TMC1: variants seen among roughly 807,000 people sequenced by gnomAD.
TMC1 encodes the protein transmembrane channel like 1.
In TMC1, 84 loss-of-function variants were observed where a neutral mutation model predicts 105.8. The ratio of observed to expected loss-of-function variants is 0.79; its 90% confidence interval spans 0.67 to 0.95. TMC1 has a LOEUF of 0.95. Ranked by LOEUF, TMC1 falls within the 40% of genes least tolerant of loss-of-function variation. The probability of loss-of-function intolerance (pLI) is 0.00; values close to 1 mark genes in which losing one functional copy is unlikely to be tolerated. For missense variants in TMC1, 817 were observed against 914.1 expected, an observed-to-expected ratio of 0.89 and a Z score of 1.37; for synonymous variants, 315 against 311.5, an observed-to-expected ratio of 1.01 and a Z score of -0.12.
chr9:72,592,021 G>A lies in TMC1; in HGVS notation c.-306+13998G>A, dbSNP rs973701950. Among the ~76,000 whole-genome samples, 5 of 152,114 alleles carry A rather than the reference G, an allele frequency of 3.3e-5. No individual in the cohort carries two copies. In the South Asian group the frequency reaches 1.0e-3, roughly 32 times the overall value. On this transcript the variant is annotated intron_variant, in intron 2 of 23. Coordinates refer to ENST00000297784, the MANE Select transcript of TMC1 (RefSeq NM_138691.3). ...TAGTGGGTAGTGGTCAGGGATGCTG[G>A]TGAATATCATACAATACACAGAACA... is the stretch of plus-strand genomic sequence containing the variant.
chr9:72,664,482 C>A (rs1826012619), intron 5 of TMC1, among the ~76,000 whole-genome samples: 1 of 152,296 alleles, frequency 6.6e-6, no homozygotes, highest in South Asian at 2.1e-4. Context: ...GCCTGCCATG[C>A]CCCTCTGTCC....
intron 5 of TMC1, among the ~76,000 whole-genome samples, chr9:72,650,963 C>T (rs1211963630): frequency 3.6e-5 from 4 of 112,380 alleles, no homozygotes; most frequent in Non-Finnish European, 7.1e-5. Flanking sequence ...ATATATATCA[C>T]ATATACAAGG....
At chr9:72,732,783 AT>A (rs1286444173) in intron 8 of TMC1, among the ~76,000 whole-genome samples, 1 of 152,132 alleles carries the variant, frequency 6.6e-6, no homozygotes, top group African/African-American at 2.4e-5. Context: ...TTGGATACTT[AT>A]TTTACTTAGC....
At chr9:72,572,184 T>C (rs1824298723) in intron 1 of TMC1, among the ~76,000 whole-genome samples, 1 of 151,828 alleles carries the variant, frequency 6.6e-6, no homozygotes, top group Admixed American at 6.6e-5. Context: ...TGTCTCTTTA[T>C]CTCACTTTAT....
chr9:72,596,704 C>T (rs1824728096), intron 2 of TMC1, among the ~76,000 whole-genome samples: 1 of 152,126 alleles, frequency 6.6e-6, no homozygotes, highest in African/African-American at 2.4e-5. Context: ...ACCAAGAGTA[C>T]CATGTATGTA....
chr9:72,714,045 C>G lies in TMC1; in HGVS notation c.362+13402C>G, dbSNP rs1398452441. Among the ~76,000 whole-genome samples, 3 of 152,122 alleles carry G rather than the reference C, an allele frequency of 2.0e-5. No homozygotes were observed. The East Asian group carries it at 5.8e-4, about 29-fold the overall frequency. On this transcript the variant is annotated intron_variant, in intron 8 of 23. Coordinates refer to ENST00000297784, the MANE Select transcript of TMC1 (RefSeq NM_138691.3). ...TATTTACCCAGTAGTCATTTAGGAACAGGTTGTTCAGTTTCGATGTAGTTG... is the reference window on the plus strand; with the variant it reads ...TATTTACCCAGTAGTCATTTAGGAAGAGGTTGTTCAGTTTCGATGTAGTTG...
chr9:72,620,549 C>A (rs1467051564), intron 3 of TMC1, among the ~76,000 whole-genome samples: 1 of 152,106 alleles, frequency 6.6e-6, no homozygotes, highest in Non-Finnish European at 1.5e-5. Context: ...CCATACCTAG[C>A]CAGATTTCTA....
At chr9:72,724,645 G>T (rs1018459240) in intron 8 of TMC1, among the ~76,000 whole-genome samples, 2 of 151,844 alleles carry the variant, frequency 1.3e-5, no homozygotes, top group African/African-American at 4.8e-5. Flanking sequence ...ATAAATCATG[G>T]TTACTATTAT....
chr9:72,566,776 C>G (rs1824163298), intron 1 of TMC1, among the ~76,000 whole-genome samples: 1 of 152,178 alleles, frequency 6.6e-6, no homozygotes. Flanking sequence ...ATTCTATCCA[C>G]TTGTCTCTAG....
At chr9:72,665,001 C>T (rs976925628) in intron 5 of TMC1, among the ~76,000 whole-genome samples, 4 of 152,184 alleles carry the variant, frequency 2.6e-5, no homozygotes, top group African/African-American at 7.2e-5. Context: ...TGTCTACATG[C>T]TCCCTCTCCT....
chr9:72,536,624 G>A (rs369485200), intron 1 of TMC1, among the ~76,000 whole-genome samples: 67 of 152,228 alleles, frequency 4.4e-4, no homozygotes, highest in Admixed American at 1.9e-3. Context: ...GAGCCACCGC[G>A]CCTGGCCAGA....
At chr9:72,541,458 C>T (rs534339794) in intron 1 of TMC1, among the ~76,000 whole-genome samples, 3 of 152,074 alleles carry the variant, frequency 2.0e-5, no homozygotes, top group African/African-American at 7.2e-5. Context: ...GAGGCTGAGG[C>T]GGGCCGATCA....
intron 6 of TMC1, among the ~76,000 whole-genome samples, chr9:72,691,002 T>C (rs1184606961): frequency 2.6e-5 from 4 of 152,154 alleles, no homozygotes; most frequent in Non-Finnish European, 4.4e-5. Flanking sequence ...CTTGACTTTT[T>C]CTTATTCTTT....
At chr9:72,557,937 GT>G (rs1378178858) in intron 1 of TMC1, among the ~76,000 whole-genome samples, 2 of 152,206 alleles carry the variant, frequency 1.3e-5, no homozygotes, top group Non-Finnish European at 2.9e-5. Context: ...CTGGGTCAGT[GT>G]GGAAGGCTTC....
At chr9:72,702,722 G>A (rs1826664576) in intron 8 of TMC1, among the ~76,000 whole-genome samples, 1 of 151,888 alleles carries the variant, frequency 6.6e-6, no homozygotes, top group Non-Finnish European at 1.5e-5. Flanking sequence ...AGATTTTGAG[G>A]ATGCAACAGA....
At chr9:72,752,281 T>TC (rs1309243166) in intron 11 of TMC1, among the ~76,000 whole-genome samples, 14 of 152,310 alleles carry the variant, frequency 9.2e-5, no homozygotes, top group Non-Finnish European at 7.4e-5. Context: ...AAACTATTGT[T>TC]CAAGAGGAAG....
In TMC1 at chr9:72,694,615, G is replaced by T. The variant is rs753879286; in HGVS notation, c.137G>T (p.Arg46Ile). The change falls in exon 7 of 24, where the codon AGA becomes ATA. Residue 46 changes from arginine to isoleucine, a missense_variant. Transcript: ENST00000297784. ...TTGAGACCAAAGAGGAAACGGACCA[G>T]AGATGTTATCAATGAGGATGACCCA... ...ESLRPKRKRT[R>I]DVINEDDPEP... 1.9e-6 allele frequency: 3 copies of T among 1,613,018 alleles called. No individual in the cohort carries two copies. Among genetic ancestry groups the T allele is most frequent in the East Asian group, 4.5e-5 (2 of 44,730 alleles).
At chr9:72,809,399 A>C (rs2118256077) in intron 18 of TMC1, among the ~76,000 whole-genome samples, 2 of 152,344 alleles carry the variant, frequency 1.3e-5, no homozygotes, top group East Asian at 1.9e-4. Context: ...TGGAAGGCTC[A>C]AAAAAGCTCT....
intron 1 of TMC1, among the ~76,000 whole-genome samples, chr9:72,546,891 T>C (rs1301538140): frequency 6.6e-6 from 1 of 152,250 alleles, no homozygotes; most frequent in African/African-American, 2.4e-5. Flanking sequence ...TAAACTTTAC[T>C]GTGTGCATAG....
Sources: allele counts gnomAD v4.1 joint callset (sites outside exome capture counted in the v4.1 genomes callset), GRCh38; gene constraint gnomAD v4.1.1; transcripts MANE v1.5; gene names NCBI Gene and HGNC (gene_info 2026-07-23, HGNC 2026-07-21).